The following AP3B1 variants were observed in gnomAD, a reference collection of about 807,000 sequenced individuals.
AP3B1 encodes adaptor related protein complex 3 subunit beta 1, also known as AP-3 complex subunit beta-1.
AP3B1 carries 61 observed loss-of-function variants against 132.5 expected under a neutral mutation model. That is an observed-to-expected ratio of 0.46 (90% confidence interval 0.37 to 0.57). The LOEUF (loss-of-function observed/expected upper bound fraction) is 0.57, where lower values mean the gene tolerates loss of function less well. Among genes scored for constraint, AP3B1 ranks in the 20% least tolerant of loss-of-function variants. The pLI is 0.00. For synonymous variants in AP3B1, 388 were observed against 438.3 expected (o/e 0.89, Z 1.43); for missense variants, 1,120 against 1,289.4 (o/e 0.87, Z 2.01).
chr5:78,055,223 G>A (rs527389530), intron 22 of AP3B1, among the ~76,000 whole-genome samples: 1 of 152,194 alleles, frequency 6.6e-6, no homozygotes, highest in Non-Finnish European at 1.5e-5. Flanking sequence ...CTGGGATTGA[G>A]CCTCACTCCT....
intron 22 of AP3B1, among the ~76,000 whole-genome samples, chr5:78,078,211 T>C (rs764877119): frequency 6.6e-6 from 1 of 152,210 alleles, no homozygotes; most frequent in Non-Finnish European, 1.5e-5. Flanking sequence ...TTCAATGTCA[T>C]TGTCCTTTCC....
chr5:78,291,383 C>T (rs576157373), intron 1 of AP3B1, among the ~76,000 whole-genome samples: 54 of 124,834 alleles, frequency 4.3e-4, no homozygotes, highest in African/African-American at 1.6e-3. Flanking sequence ...AAGAGCAAGA[C>T]ATCTGCATGG....
chr5:78,003,115 T>G (rs753283239), intron 26 of AP3B1, 60 bp from the exon 27 acceptor site: 5 of 1,549,874 alleles, frequency 3.2e-6, no homozygotes, highest in African/African-American at 1.4e-5. Context: ...GGAGATAGCA[T>G]ACATTCAAAT....
At chr5:78,124,849 T>C (rs1752393814) in intron 17 of AP3B1, among the ~76,000 whole-genome samples, 1 of 152,228 alleles carries the variant, frequency 6.6e-6, no homozygotes, top group African/African-American at 2.4e-5. Flanking sequence ...TGGATTAATT[T>C]AATAACACTA....
intron 7 of AP3B1, among the ~76,000 whole-genome samples, chr5:78,198,566 C>G (rs916207836): frequency 1.3e-5 from 2 of 152,222 alleles, no homozygotes; most frequent in Middle Eastern, 6.8e-3. Context: ...ACTTCATTAC[C>G]TCCCAAAAGC....
chr5:78,034,721 T>A (rs1480338447), intron 23 of AP3B1, among the ~76,000 whole-genome samples: 1 of 152,034 alleles, frequency 6.6e-6, no homozygotes, highest in Non-Finnish European at 1.5e-5. Flanking sequence ...AGAAATGTCA[T>A]GTTTTCTAAT....
At chr5:78,122,409 C>T (rs1013097676) in intron 17 of AP3B1, among the ~76,000 whole-genome samples, 5 of 152,182 alleles carry the variant, frequency 3.3e-5, no homozygotes, top group African/African-American at 9.7e-5. Context: ...GTCAAATTGT[C>T]CCTGTTTGCA....
chr5:78,283,810 G>A (rs1224709532), intron 1 of AP3B1, among the ~76,000 whole-genome samples: 2 of 150,514 alleles, frequency 1.3e-5, no homozygotes, highest in African/African-American at 4.8e-5. Flanking sequence ...AAAAACACTG[G>A]TGTAGCCAAG....
At chr5:78,227,195 C>T (rs1048831881) in intron 5 of AP3B1, among the ~76,000 whole-genome samples, 177 bp downstream of exon 5, 19 of 151,984 alleles carry the variant, frequency 1.3e-4, no homozygotes, top group Non-Finnish European at 2.9e-5. Flanking sequence ...ATAGCCAAAA[C>T]GAAATTAAAG....
At chr5:78,260,125 G>A (rs897424015) in intron 2 of AP3B1, among the ~76,000 whole-genome samples, 2 of 151,882 alleles carry the variant, frequency 1.3e-5, no homozygotes, top group African/African-American at 2.4e-5. Context: ...AAAAATCTAA[G>A]GAAAAGAAAA....
At chr5:78,069,800 C>A (rs1223222390) in intron 22 of AP3B1, among the ~76,000 whole-genome samples, 1 of 152,074 alleles carries the variant, frequency 6.6e-6, no homozygotes, top group Non-Finnish European at 1.5e-5. Flanking sequence ...CAAGACAATC[C>A]TAAGCAAAAA....
At chr5:78,003,949 C>T (rs1474314478) in intron 26 of AP3B1, among the ~76,000 whole-genome samples, 1 of 152,186 alleles carries the variant, frequency 6.6e-6, no homozygotes, top group Non-Finnish European at 1.5e-5. Context: ...CCAAGCCTCC[C>T]TTTTCCACAT....
Position 78,020,719 on chromosome 5 carries a change from A to T in AP3B1, c.2965T>A (p.Ser989Thr). The T allele has an allele frequency of 6.2e-7, 1 of 1,612,664 alleles. No homozygotes were observed. The highest frequency in any genetic ancestry group is 2.2e-5 in the East Asian group (1 of 44,778). ...TGCTCTTTCTTAAAATCTTTCTCTG[A>T]CATGGCCACAGGTAAAAGCAGTTCT... is the stretch of plus-strand genomic sequence containing the variant. Reference protein sequence around the residue: ...VGELLLPVAMSEKDFKKEQGV... With the variant: ...VGELLLPVAMTEKDFKKEQGV... The change falls in exon 25 of 27, where the codon TCA (serine) becomes ACA (threonine). Residue 989 changes from serine to threonine, a missense_variant. By Grantham distance (58) the Ser-to-Thr change is moderately conservative. Coordinates refer to ENST00000255194, the MANE Select transcript of AP3B1 (RefSeq NM_003664.5).
chr5:78,123,146 G>T (rs1199207529), intron 17 of AP3B1, among the ~76,000 whole-genome samples: 1 of 152,256 alleles, frequency 6.6e-6, no homozygotes, highest in Non-Finnish European at 1.5e-5. Flanking sequence ...CTAGCCAGAT[G>T]TAGAAAGCTG....
intron 3 of AP3B1, among the ~76,000 whole-genome samples, chr5:78,229,988 C>T (rs1450604858): frequency 1.3e-5 from 2 of 152,044 alleles, no homozygotes; most frequent in Non-Finnish European, 2.9e-5. Context: ...CTGTTTGCTC[C>T]TTCCTAAACT....
intron 2 of AP3B1, among the ~76,000 whole-genome samples, chr5:78,252,132 A>G (rs1747663729): frequency 6.6e-6 from 1 of 152,168 alleles, no homozygotes; most frequent in African/African-American, 2.4e-5. Flanking sequence ...GCTTGGCAGC[A>G]TTCATAATCT....
At chr5:78,260,104 A>T (rs1748020877) in intron 2 of AP3B1, among the ~76,000 whole-genome samples, 1 of 152,218 alleles carries the variant, frequency 6.6e-6, no homozygotes, top group Non-Finnish European at 1.5e-5. Context: ...AAAATCAAGA[A>T]TGAAATCTAC....
intron 2 of AP3B1, among the ~76,000 whole-genome samples, chr5:78,265,071 A>C (rs1748261394): frequency 6.6e-6 from 1 of 152,230 alleles, no homozygotes; most frequent in African/African-American, 2.4e-5. Flanking sequence ...GTCAGTTATA[A>C]ATTTATAGGA....
intron 25 of AP3B1, among the ~76,000 whole-genome samples, chr5:78,018,702 C>CA (rs1554057856): frequency 1.4e-4 from 19 of 140,572 alleles, no homozygotes; most frequent in African/African-American, 5.5e-4. Flanking sequence ...ACACACACAC[C>CA]CCTTAAATTT....
Sources: gnomAD v4.1 joint callset for allele counts (sites outside exome capture counted in the v4.1 genomes callset) on GRCh38, gnomAD v4.1.1 for gene constraint, MANE v1.5 for transcripts, NCBI Gene and HGNC (gene_info 2026-07-23, HGNC 2026-07-21) for gene names.